TMEM132E: variants seen among roughly 807,000 people sequenced by gnomAD.
The protein encoded by TMEM132E is transmembrane protein 132E.
A neutral mutation model predicts 78.5 loss-of-function variants in TMEM132E; 49 were observed. The ratio of observed to expected loss-of-function variants is 0.62; its 90% CI spans 0.50 to 0.79. The LOEUF is 0.79. TMEM132E is among the 30% of genes least tolerant of loss of function. The probability of loss-of-function intolerance (pLI) is 0.00; values close to 1 mark genes in which losing one functional copy is unlikely to be tolerated. For synonymous variants in TMEM132E, 715 were observed against 670.6 expected, an observed-to-expected ratio of 1.07 and a Z score of -1.02; for missense variants, 1,403 against 1,470.9, an observed-to-expected ratio of 0.95 and a Z score of 0.75.
chr17:34,626,605 C>G lies in TMEM132E; in HGVS notation c.546C>G (p.Leu182=), dbSNP rs750840922. ...DAREVKSSCR[L]SGGLATCLVR... is the part of the protein sequence containing the mutation. ...GGGAAGTCAAGAGCTCCTGCCGCCT[C>G]AGCGGGGGCCTGGCCACTTGTCTGG... Residue 182 remains leucine, a synonymous_variant, in exon 2 of 9, where the codon CTC becomes CTG. Coordinates refer to ENST00000631683, the MANE Select transcript of TMEM132E (RefSeq NM_001304438.2). 46 of 1,522,204 alleles carry G rather than the reference C, an allele frequency of 3.0e-5. No individual in the cohort carries two copies. The highest frequency in any genetic ancestry group is 3.8e-5 in the Non-Finnish European group (43 of 1,140,128). The allele number at this position is 1,522,204 out of a possible 1,614,324, so 94.3% of individuals were successfully genotyped here.
At chr17:34,590,487 C>G (rs1200965226) in intron 1 of TMEM132E, among the ~76,000 whole-genome samples, 1 of 150,384 alleles carries the variant, frequency 6.6e-6, no homozygotes, top group Non-Finnish European at 1.5e-5. Flanking sequence ...TTAGAGGGAT[C>G]TGGGGAGGCT....
intron 4 of TMEM132E, 94 bp from the exon 5 acceptor site, chr17:34,629,914 T>TGG (rs5820093): frequency 0.022 from 26,680 of 1,204,486 alleles, 162 homozygotes; most frequent in Non-Finnish European, 0.024. Context: ...ATCTGAGGAG[T>TGG]GGGGGGGGAG....
intron 1 of TMEM132E, among the ~76,000 whole-genome samples, chr17:34,623,414 C>G (rs1022581273): frequency 2.0e-5 from 3 of 151,336 alleles, no homozygotes; most frequent in African/African-American, 4.9e-5. Context: ...CCCCCCCCCC[C>G]CCGTCCCTCT....
At chr17:34,613,010 C>G (rs1906642204) in intron 1 of TMEM132E, among the ~76,000 whole-genome samples, 1 of 152,042 alleles carries the variant, frequency 6.6e-6, no homozygotes, top group Non-Finnish European at 1.5e-5. Flanking sequence ...TCTAAGGCTG[C>G]TGTTTGTTGC....
At chr17:34,607,459 C>A (rs1284575560) in intron 1 of TMEM132E, among the ~76,000 whole-genome samples, 1 of 152,186 alleles carries the variant, frequency 6.6e-6, no homozygotes, top group African/African-American at 2.4e-5. Flanking sequence ...ATATTTCAGA[C>A]ACCAAATGTG....
In TMEM132E at chr17:34,626,421, C is replaced by T; in HGVS notation, c.362C>T (p.Thr121Met). 6.2e-7 allele frequency: 1 copy of T among 1,613,388 alleles called. No homozygotes were observed. The highest frequency in any genetic ancestry group is 8.5e-7 in the Non-Finnish European group (1 of 1,179,824). ...SSTLDIPERL[T>M]VNWKVRAFIV... is the part of the protein sequence containing the mutation. ...ACCCTGGACATCCCCGAGCGCCTGA[C>T]GGTGAACTGGAAGGTGCGGGCCTTC... The change falls in exon 2 of 9, where the codon ACG (threonine) becomes ATG (methionine). Residue 121 changes from threonine to methionine, a missense_variant. Transcript: ENST00000631683.
chr17:34,584,751 C>A (rs765976993), intron 1 of TMEM132E, among the ~76,000 whole-genome samples: 1 of 152,192 alleles, frequency 6.6e-6, no homozygotes, highest in Non-Finnish European at 1.5e-5. Flanking sequence ...ACAAAGAGAG[C>A]AAGAGGATGG....
chr17:34,633,074 C>T (rs1185705443), intron 6 of TMEM132E, among the ~76,000 whole-genome samples, 165 bp downstream of exon 6: 2 of 152,234 alleles, frequency 1.3e-5, no homozygotes, highest in African/African-American at 4.8e-5. Flanking sequence ...GTGCTAGGCA[C>T]TGGCAAGTGT....
In TMEM132E at chr17:34,628,340, C is replaced by T. The variant is rs558092507; in HGVS notation, c.999-223C>T. Reference sequence around the variant, plus strand: ...ATTAGGCAAAGACTTGGCAGGGATACGGTAGAAGGGATTGCAGCTTTCACC... The same window carrying T: ...ATTAGGCAAAGACTTGGCAGGGATATGGTAGAAGGGATTGCAGCTTTCACC... On this transcript the variant is annotated intron_variant, in intron 2 of 8. Coordinates refer to ENST00000631683, the MANE Select transcript of TMEM132E (RefSeq NM_001304438.2). 5.9e-5 allele frequency among the ~76,000 whole-genome samples: 9 copies of T among 152,284 alleles called. No individual in the cohort carries two copies. In the South Asian group the frequency reaches 1.2e-3, roughly 21 times the overall value.
chr17:34,634,813 G>T lies in TMEM132E; in HGVS notation c.1703G>T (p.Ser568Ile), dbSNP rs774288605. ...CCCCACCCCAGGTCAGTCCGGGAAA[G>T]CGAGGATGAGGATGAGGAGGAGGAG... Reference protein sequence around the residue: ...ILPDRRSVRESEDEDEEEEER... With the variant: ...ILPDRRSVREIEDEDEEEEER... Residue 568 changes from serine to isoleucine, a missense_variant, in exon 7 of 9, where the codon AGC becomes ATC. This residue lies in a region of TMEM132E where 888 missense variants were observed against 952.8 expected (regional missense o/e 0.93). Coordinates refer to ENST00000631683, the MANE Select transcript of TMEM132E (RefSeq NM_001304438.2). 6.2e-7 allele frequency: 1 copy of T among 1,613,518 alleles called. No homozygotes were observed. Among genetic ancestry groups the T allele is most frequent in the East Asian group, 2.2e-5 (1 of 44,878 alleles).
At chr17:34,635,635 G>A (rs1907494761) in intron 7 of TMEM132E, among the ~76,000 whole-genome samples, 1 of 152,296 alleles carries the variant, frequency 6.6e-6, no homozygotes, top group South Asian at 2.1e-4. Flanking sequence ...GCCAGTATTG[G>A]TGCCTCCTAT....
intron 1 of TMEM132E, among the ~76,000 whole-genome samples, chr17:34,602,619 A>G (rs1906280236): frequency 6.6e-6 from 1 of 152,200 alleles, no homozygotes; most frequent in Non-Finnish European, 1.5e-5. Context: ...CCAGAGCTTC[A>G]GCATCCCCTG....
intron 1 of TMEM132E, among the ~76,000 whole-genome samples, chr17:34,616,871 G>A (rs4795014): frequency 0.71 from 107,892 of 152,140 alleles, 38,568 homozygotes; most frequent in East Asian, 0.89. Context: ...ACCAGCTTAG[G>A]TGGTATCTTT....
intron 6 of TMEM132E, among the ~76,000 whole-genome samples, chr17:34,634,344 T>C (rs1907447136): frequency 6.6e-6 from 1 of 152,206 alleles, no homozygotes; most frequent in African/African-American, 2.4e-5. Flanking sequence ...CTTGGAAATC[T>C]CCTCAGTTAA....
At chr17:34,597,182 A>G (rs117799528) in intron 1 of TMEM132E, among the ~76,000 whole-genome samples, 6,755 of 152,082 alleles carry the variant, frequency 0.044, 176 homozygotes, top group Non-Finnish European at 0.07. Flanking sequence ...GGAGACCTGC[A>G]CTTCCCTCAT....
intron 1 of TMEM132E, among the ~76,000 whole-genome samples, chr17:34,604,473 C>A (rs1369377691): frequency 3.3e-5 from 5 of 152,210 alleles, no homozygotes; most frequent in Non-Finnish European, 7.3e-5. Flanking sequence ...ATCCTTCCAG[C>A]TCCTCATGGC....
At position 34,637,508 on chromosome 17, in the gene TMEM132E, G is replaced by C. The variant is rs754319502; in HGVS notation, c.2501G>C (p.Gly834Ala). The C allele has an allele frequency of 6.2e-7, 1 of 1,606,402 alleles. No individual in the cohort carries two copies. ...GGCCCCAGCCAACCAGGGCCCGGCGGGGGCGAGGACGAGGCCCGGGGAGCT... is the reference window on the plus strand; with the variant it reads ...GGCCCCAGCCAACCAGGGCCCGGCGCGGGCGAGGACGAGGCCCGGGGAGCT... ...YPGPSQPGPG[G>A]GEDEARGAGP... The change falls in exon 9 of 9, where the codon GGG (glycine) becomes GCG (alanine). Residue 834 changes from glycine (G) to alanine (A), a missense_variant. Transcript: ENST00000631683.
chr17:34,585,481 A>G lies in TMEM132E; in HGVS notation c.67+4338A>G, dbSNP rs186445187. 5.9e-5 allele frequency among the ~76,000 whole-genome samples: 9 copies of G among 152,336 alleles called. No homozygotes were observed. The East Asian group carries it at 1.7e-3, about 29-fold the overall frequency. On this transcript the variant is annotated intron_variant, in intron 1 of 8. Transcript: ENST00000631683. ...AGGGTCTCACCTTGTTGCCCTGCAC[A>G]TAATGATGTCCAAAACACTGAAAGA...
intron 1 of TMEM132E, among the ~76,000 whole-genome samples, chr17:34,601,417 T>C (rs1333339309): frequency 6.6e-6 from 1 of 152,222 alleles, no homozygotes; most frequent in African/African-American, 2.4e-5. Flanking sequence ...GGGCTGTCTC[T>C]ACTGAAGCCA....
Sources: gnomAD v4.1 joint callset for allele counts (sites outside exome capture counted in the v4.1 genomes callset) on GRCh38, gnomAD v4.1.1 for gene constraint, gnomAD v4.1.1 regional missense constraint, MANE v1.5 for transcripts, NCBI Gene and HGNC (gene_info 2026-07-23, HGNC 2026-07-21) for gene names.